ZNF813: variants seen among roughly 807,000 people sequenced by gnomAD.
ZNF813 encodes zinc finger protein 813.
Under a neutral mutation model 7.2 loss-of-function variants are expected in ZNF813, and 3 were observed. That is an observed-to-expected ratio of 0.42 (90% CI 0.19 to 1.08). ZNF813 has a LOEUF of 1.08. Among genes scored for constraint, ZNF813 ranks in the 50% least tolerant of loss-of-function variants. The pLI is 0.30. For synonymous variants in ZNF813, 227 were observed against 256.3 expected (o/e 0.89, Z 1.09); for missense variants, 714 against 753.3 (o/e 0.95, Z 0.61).
rs778055546 is a variant in ZNF813 at position 53,491,185 on chromosome 19, G to A, written c.953G>A (p.Arg318Lys). ...TTCAAATCAAACCTTAAAAGACATA[G>A]GAGAATTCATGCTGGAGAAAAACCA... ...FSFKSNLKRHRRIHAGEKPYK... is the reference protein window; with the variant it reads ...FSFKSNLKRHKRIHAGEKPYK... Residue 318 changes from arginine to lysine, a missense_variant, in exon 4 of 4, where the codon AGG becomes AAG. Physicochemically the swap from Arg to Lys is conservative, Grantham distance 26. This residue lies in a region of ZNF813 where 563 missense variants were observed against 554.2 expected (regional missense o/e 1.02). Coordinates refer to ENST00000396403, the MANE Select transcript of ZNF813 (RefSeq NM_001004301.4). The A allele has an allele frequency of 6.2e-7, 1 of 1,613,618 alleles. No homozygotes were observed. The highest frequency in any genetic ancestry group is 1.1e-5 in the South Asian group (1 of 91,052).
rs2708838 is a variant in ZNF813 at position 53,494,007 on chromosome 19, T to G, written c.*1921T>G. The stretch of plus-strand genomic sequence containing the variant: ...TTCTATGATGAGTGGATTTTGAATT[T>G]TGTGAAATACTTTTTCTCCATCTAT... On this transcript the variant is annotated 3_prime_UTR_variant, in exon 4 of 4. Coordinates refer to ENST00000396403, the MANE Select transcript of ZNF813 (RefSeq NM_001004301.4). 0.22 allele frequency: 33,513 copies of G among 152,278 alleles called. 4,377 individuals carry two copies. Among genetic ancestry groups the G allele is most frequent in the African/African-American group, 0.37 (15,435 of 41,470 alleles). The allele number at this position is 152,278 out of a possible 1,614,324, so 9.4% of individuals were successfully genotyped here.
At chr19:53,484,440 C>G (rs1346702200) in intron 2 of ZNF813, among the ~76,000 whole-genome samples, 1 of 152,180 alleles carries the variant, frequency 6.6e-6, no homozygotes, top group African/African-American at 2.4e-5. Context: ...GCAGGAGATT[C>G]ATTCAACCAT....
At position 53,483,851 on chromosome 19, in the gene ZNF813, T is replaced by G. The variant is rs749453863; in HGVS notation, c.15+14T>G. 4 of 1,613,514 alleles carry G rather than the reference T, an allele frequency of 2.5e-6. No individual in the cohort carries two copies. The highest frequency in any genetic ancestry group is 1.3e-5 in the African/African-American group (1 of 74,838). On this transcript the variant is annotated intron_variant, in intron 2 of 3. Coordinates refer to ENST00000396403, the MANE Select transcript of ZNF813 (RefSeq NM_001004301.4). ...GCTCTTCCTCAGGTGAGATGATATT[T>G]TTGGTGGATTGTTCTGTCTCCTTCC...
chr19:53,478,241 C>CT (rs1447024420), intron 1 of ZNF813, among the ~76,000 whole-genome samples: 1 of 152,166 alleles, frequency 6.6e-6, no homozygotes, highest in Non-Finnish European at 1.5e-5. Context: ...ATGATCTCTT[C>CT]TAACTGCAGC....
chr19:53,485,954 A>C (rs1481883608), intron 2 of ZNF813, among the ~76,000 whole-genome samples: 1 of 152,116 alleles, frequency 6.6e-6, no homozygotes, highest in African/African-American at 2.4e-5. Flanking sequence ...GCCGGAGTGC[A>C]ATGGTGCGAT....
rs751278950 is a variant in ZNF813, at chr19:53,491,557, C to T, written c.1325C>T (p.Thr442Ile). The T allele has an allele frequency of 2.5e-6, 4 of 1,607,412 alleles. No homozygotes were observed. The highest frequency in any genetic ancestry group is 3.4e-6 in the Non-Finnish European group (4 of 1,177,584). ...LHSGEKPYKCTECVKTFSRNS... is the reference protein window; with the variant it reads ...LHSGEKPYKCIECVKTFSRNS... ...AGTGGAGAGAAACCCTACAAGTGTA[C>T]TGAGTGTGTCAAGACGTTCAGTCGA... Residue 442 changes from threonine (T) to isoleucine (I), a missense_variant, in exon 4 of 4, where the codon ACT (threonine) becomes ATT (isoleucine). Physicochemically the swap from Thr to Ile is moderately conservative, Grantham distance 89. Transcript: ENST00000396403.
At chr19:53,490,278 A>G (rs1234799965) in intron 3 of ZNF813, 97 bp from the exon 4 acceptor site, 2 of 1,330,602 alleles carry the variant, frequency 1.5e-6, no homozygotes, top group Non-Finnish European at 2.0e-6. Context: ...ATGTTGGGGA[A>G]GTTTAAAATG....
At chr19:53,468,980 G>A (rs112894822) in intron 1 of ZNF813, among the ~76,000 whole-genome samples, 4 of 120,326 alleles carry the variant, frequency 3.3e-5, no homozygotes, top group South Asian at 2.5e-4. Context: ...TCAGTGGGGG[G>A]AAACTTGGAC....
chr19:53,485,878 G>T (rs75756220), intron 2 of ZNF813, among the ~76,000 whole-genome samples: 7,122 of 151,928 alleles, frequency 0.047, 201 homozygotes, highest in East Asian at 0.12. Flanking sequence ...TTTTTATGTG[G>T]TTTTTTTGTT....
intron 1 of ZNF813, among the ~76,000 whole-genome samples, chr19:53,472,348 C>A (rs2086363534): frequency 6.6e-6 from 1 of 152,140 alleles, no homozygotes. Context: ...TATTTGTAGT[C>A]ATTTCTATAG....
At chr19:53,485,000 C>T (rs12609277) in intron 2 of ZNF813, among the ~76,000 whole-genome samples, 23,457 of 152,196 alleles carry the variant, frequency 0.15, 2,286 homozygotes, top group East Asian at 0.26. Flanking sequence ...CTGTCACGTC[C>T]TCCACCCTCC....
At chr19:53,486,029 G>A (rs2086432254) in intron 2 of ZNF813, among the ~76,000 whole-genome samples, 1 of 152,134 alleles carries the variant, frequency 6.6e-6, no homozygotes, top group South Asian at 2.1e-4. Flanking sequence ...CTCCCGGGTA[G>A]CTGGGATAAC....
intron 1 of ZNF813, among the ~76,000 whole-genome samples, chr19:53,474,684 A>G (rs2086374399): frequency 1.3e-5 from 2 of 150,992 alleles, no homozygotes; most frequent in South Asian, 4.1e-4. Context: ...GCGAGACTCA[A>G]TCTCAAAAAA....
intron 1 of ZNF813, among the ~76,000 whole-genome samples, chr19:53,471,537 C>T (rs1401141686): frequency 2.6e-5 from 4 of 152,048 alleles, no homozygotes; most frequent in African/African-American, 4.8e-5. Context: ...AGGCTGGGTG[C>T]GGTGGCTCAC....
chr19:53,470,757 C>T (rs1054773168), intron 1 of ZNF813, among the ~76,000 whole-genome samples: 11 of 151,064 alleles, frequency 7.3e-5, no homozygotes, highest in African/African-American at 2.7e-4. Context: ...CTATAACAGC[C>T]TTCCTATTGT....
At chr19:53,483,980 T>C in intron 2 of ZNF813, 143 bp downstream of exon 2, 1 of 1,552,414 alleles carries the variant, frequency 6.4e-7, no homozygotes, top group African/African-American at 1.4e-5. Flanking sequence ...CAGTCCCTCT[T>C]TTCTCACTTA....
chr19:53,494,235 A>T lies in ZNF813; in HGVS notation c.*2149A>T. On this transcript the variant is annotated 3_prime_UTR_variant, in exon 4 of 4. Coordinates refer to ENST00000396403, the MANE Select transcript of ZNF813 (RefSeq NM_001004301.4). ...AAAAATACATATTTTGCATATTATG[A>T]GAAAATTGTGTATGAATTTCCCAGT... 1 of 152,344 alleles carries T rather than the reference A, an allele frequency of 6.6e-6. No homozygotes were observed. Among genetic ancestry groups the T allele is most frequent in the African/African-American group, 2.4e-5 (1 of 41,586 alleles). 9.4% of individuals were successfully genotyped at this position (152,344 alleles called of 1,614,324 possible). A position where few individuals can be genotyped will look rare whatever the true frequency, so the allele number is the denominator to read the frequency against.
Position 53,492,255 on chromosome 19 carries a change from C to T in ZNF813, c.*169C>T. 1 of 925,436 alleles carries T rather than the reference C, an allele frequency of 1.1e-6. No individual in the cohort carries two copies. Among genetic ancestry groups the T allele is most frequent in the Non-Finnish European group, 1.7e-6 (1 of 602,950 alleles). The allele number at this position is 925,436 out of a possible 1,614,324, so 57.3% of individuals were successfully genotyped here. The stretch of plus-strand genomic sequence containing the variant: ...AATTTTTAATCAACAAGCACACCTT[C>T]CACGTCATCATAGACTTCATAGTGG... On this transcript the variant is annotated 3_prime_UTR_variant, in exon 4 of 4. Transcript: ENST00000396403.
intron 1 of ZNF813, among the ~76,000 whole-genome samples, chr19:53,473,722 T>A (rs1392509714): frequency 6.6e-6 from 1 of 152,246 alleles, no homozygotes; most frequent in African/African-American, 2.4e-5. Flanking sequence ...AGTTATGGGC[T>A]TCTTGCATGG....
Sources: allele counts gnomAD v4.1 joint callset (sites outside exome capture counted in the v4.1 genomes callset), GRCh38; gene constraint gnomAD v4.1.1; regional missense constraint gnomAD v4.1.1; transcripts MANE v1.5; gene names NCBI Gene and HGNC (gene_info 2026-07-23, HGNC 2026-07-21).